Variants in LMAN1 observed in about 807,000 individuals in gnomAD.
LMAN1 encodes protein ERGIC-53.
Under a neutral mutation model 67.8 loss-of-function variants are expected in LMAN1, and 32 were observed. The observed-to-expected ratio is 0.47, with a 90% confidence interval of 0.36 to 0.63. LMAN1 has a LOEUF of 0.63. LMAN1 is among the 30% of genes least tolerant of loss of function. LMAN1 has a pLI of 0.00. For missense variants in LMAN1, 632 were observed against 628.2 expected, an observed-to-expected ratio of 1.01 and a Z score of -0.06; for synonymous variants, 235 against 219.3, an observed-to-expected ratio of 1.07 and a Z score of -0.63.
chr18:59,346,184 TTTAC>T (rs1908399481), intron 7 of LMAN1, 133 bp from the exon 8 acceptor site: 1 of 692,452 alleles, frequency 1.4e-6, no homozygotes, highest in Non-Finnish European at 2.4e-6. Context: ...GTATTCCTTC[TTTAC>T]TTAAACGATA....
Position 59,359,252 on chromosome 18 carries a change from T to G in LMAN1, c.-8A>C. ...TTGCCTGGATCCCGCCATCTTGGAT[T>G]CTGGAACGCGGAGGAGGGCGGGAGA... On this transcript the variant is annotated 5_prime_UTR_variant, in exon 1 of 13. Coordinates refer to ENST00000251047, the MANE Select transcript of LMAN1 (RefSeq NM_005570.4). 2 of 1,613,262 alleles carry G rather than the reference T, an allele frequency of 1.2e-6. No homozygotes were observed. The highest frequency in any genetic ancestry group is 1.7e-6 in the Non-Finnish European group (2 of 1,179,394).
rs766591385 is a variant in LMAN1 at position 59,338,801 on chromosome 18, T to G, written c.1108A>C (p.Ile370Leu). The G allele has an allele frequency of 6.2e-7, 1 of 1,614,128 alleles. No homozygotes were observed. Among genetic ancestry groups the G allele is most frequent in the East Asian group, 2.2e-5 (1 of 44,858 alleles). ...GGCATTCCTGCTCCTCTTTTAGAGATTTCCTCTGTTAAGGAAGAGACATAT... is the reference window on the plus strand; with the variant it reads ...GGCATTCCTGCTCCTCTTTTAGAGAGTTCCTCTGTTAAGGAAGAGACATAT... ...RRYVSSLTEE[I>L]SKRGAGMPGQ... Residue 370 changes from isoleucine to leucine, a missense_variant, in exon 9 of 13, where the codon ATC (isoleucine) becomes CTC (leucine). By Grantham distance (5) the Ile-to-Leu change is conservative (BLOSUM62 2). Coordinates refer to ENST00000251047, the MANE Select transcript of LMAN1 (RefSeq NM_005570.4).
At chr18:59,357,978 A>T (rs560223496) in intron 1 of LMAN1, among the ~76,000 whole-genome samples, 13 of 151,696 alleles carry the variant, frequency 8.6e-5, no homozygotes, top group Non-Finnish European at 1.5e-4. Context: ...AAAAAAAAAA[A>T]AAAAAAGATT....
rs779979770 is a variant in LMAN1, at chr18:59,349,248, T to A, written c.640-12A>T. The A allele has an allele frequency of 1.9e-6, 3 of 1,608,426 alleles. No homozygotes were observed. Among genetic ancestry groups the A allele is most frequent in the Non-Finnish European group, 1.7e-6 (2 of 1,174,962 alleles). Reference sequence around the variant, plus strand: ...TTATTGATCATTACCTAGAAAGACATATCATAGCTATAGCTTTTGCAAAAG... The same window carrying A: ...TTATTGATCATTACCTAGAAAGACAAATCATAGCTATAGCTTTTGCAAAAG... On this transcript the variant is annotated splice_polypyrimidine_tract_variant and intron_variant, in intron 5 of 12. Transcript: ENST00000251047.
Position 59,331,132 on chromosome 18 carries a change from A to G in LMAN1, c.1497-3T>C. ...TGGCAGCTGCTTCTTGCTGAGACCT[A>G]ATGAAAAAAAGAAACAAACACTTAA... On this transcript the variant is annotated splice_region_variant and splice_polypyrimidine_tract_variant and intron_variant, in intron 12 of 12. Coordinates refer to ENST00000251047, the MANE Select transcript of LMAN1 (RefSeq NM_005570.4). 1 of 1,610,852 alleles carries G rather than the reference A, an allele frequency of 6.2e-7. No homozygotes were observed. Among genetic ancestry groups the G allele is most frequent in the Non-Finnish European group, 8.5e-7 (1 of 1,177,734 alleles).
At position 59,329,455 on chromosome 18, in the gene LMAN1, G is replaced by A. The variant is rs1283236072; in HGVS notation, c.*1638C>T. ...AAGGTATTTAATTTTTTTTCATGGA[G>A]CAAGAGTAAATTCTGTGATGATGAA... is the stretch of plus-strand genomic sequence containing the variant. On this transcript the variant is annotated 3_prime_UTR_variant, in exon 13 of 13. Transcript: ENST00000251047. The A allele has an allele frequency of 1.3e-5, 2 of 151,992 alleles. No individual in the cohort carries two copies. The highest frequency in any genetic ancestry group is 2.9e-5 in the Non-Finnish European group (2 of 67,988). The allele number at this position is 151,992 out of a possible 1,614,324, so 9.4% of individuals were successfully genotyped here. A position where few individuals can be genotyped will look rare whatever the true frequency, so the allele number is the denominator to read the frequency against.
chr18:59,334,726 GCTTT>G (rs1387661932), intron 10 of LMAN1, among the ~76,000 whole-genome samples: 1 of 152,092 alleles, frequency 6.6e-6, no homozygotes, highest in Non-Finnish European at 1.5e-5. Flanking sequence ...AAAGCTACAT[GCTTT>G]CTAAGATCTC....
At chr18:59,348,044 C>T (rs12966202) in intron 6 of LMAN1, among the ~76,000 whole-genome samples, 12,921 of 152,298 alleles carry the variant, frequency 0.085, 626 homozygotes, top group Middle Eastern at 0.14. Flanking sequence ...TGCATACCAC[C>T]TTTTGTCTTA....
chr18:59,345,831 T>G, intron 8 of LMAN1, 88 bp downstream of exon 8: 331 of 1,456,990 alleles, frequency 2.3e-4, no homozygotes, highest in Non-Finnish European at 2.9e-4. Context: ...AGAGCAGGGA[T>G]GAGCTAGGCA....
rs2070731934 is a variant in LMAN1 at position 59,329,096 on chromosome 18, A to G, written c.*1997T>C. 6.6e-6 allele frequency: 1 copy of G among 152,188 alleles called. No homozygotes were observed. Among genetic ancestry groups the G allele is most frequent in the African/African-American group, 2.4e-5 (1 of 41,450 alleles). 9.4% of individuals were successfully genotyped at this position (152,188 alleles called of 1,614,324 possible). ...CTTTTTGTTCAGAAATGAGCTCCTT[A>G]AAGTCAATGATTTTGAGAAAAACCA... On this transcript the variant is annotated 3_prime_UTR_variant, in exon 13 of 13. Transcript: ENST00000251047.
chr18:59,334,668 G>C (rs1908102695), intron 10 of LMAN1, among the ~76,000 whole-genome samples: 1 of 152,158 alleles, frequency 6.6e-6, no homozygotes, highest in African/African-American at 2.4e-5. Flanking sequence ...AATCTTAAAA[G>C]GGAAGTTTTG....
intron 10 of LMAN1, among the ~76,000 whole-genome samples, chr18:59,335,320 C>A (rs1908116926): frequency 6.6e-6 from 1 of 151,830 alleles, no homozygotes; most frequent in South Asian, 2.1e-4. Flanking sequence ...GTAATCCCAG[C>A]TAGGCGGGAG....
chr18:59,344,324 A>G (rs1248600415), intron 8 of LMAN1, among the ~76,000 whole-genome samples: 1 of 152,184 alleles, frequency 6.6e-6, no homozygotes, highest in Non-Finnish European at 1.5e-5. Context: ...CATTATATCA[A>G]AAAGATACTT....
chr18:59,354,917 T>C (rs1028459536), intron 3 of LMAN1, among the ~76,000 whole-genome samples: 2 of 152,226 alleles, frequency 1.3e-5, no homozygotes. Context: ...GATTAACATA[T>C]GACCAGACAT....
rs1192216965 is a variant in LMAN1, at chr18:59,329,036, A to C, written c.*2057T>G. The C allele has an allele frequency of 1.3e-5, 2 of 152,212 alleles. No individual in the cohort carries two copies. Among genetic ancestry groups the C allele is most frequent in the Non-Finnish European group, 2.9e-5 (2 of 68,022 alleles). The allele number at this position is 152,212 out of a possible 1,614,324, so 9.4% of individuals were successfully genotyped here. On this transcript the variant is annotated 3_prime_UTR_variant, in exon 13 of 13. Coordinates refer to ENST00000251047, the MANE Select transcript of LMAN1 (RefSeq NM_005570.4). ...TACAAAATAGTACAGAAATGAAAGA[A>C]TCCTGGCAGTGATTGATTTTTCCAC...
rs555516486 is a variant in LMAN1 at position 59,331,266 on chromosome 18, G to A, written c.1497-137C>T. The A allele has an allele frequency of 2.7e-5, 28 of 1,045,788 alleles. No individual in the cohort carries two copies. In the African/African-American group the frequency reaches 4.1e-4, roughly 15 times the overall value. The allele number at this position is 1,045,788 out of a possible 1,614,324, so 64.8% of individuals were successfully genotyped here. A position where few individuals can be genotyped will look rare whatever the true frequency, so the allele number is the denominator to read the frequency against. ...TAAGATAAACATATATTCTACACGT[G>A]CACTTTATGTGAACTGAAATGAACA... On this transcript the variant is annotated intron_variant, in intron 12 of 12. Transcript: ENST00000251047.
chr18:59,331,304 A>C (rs1278604451), intron 12 of LMAN1, 114 bp downstream of exon 12: 2 of 1,214,192 alleles, frequency 1.6e-6, no homozygotes, highest in Non-Finnish European at 2.4e-6. Context: ...AATCACAATA[A>C]ACTTAATTTT....
chr18:59,345,849 G>A, intron 8 of LMAN1, 70 bp downstream of exon 8: 2 of 1,575,180 alleles, frequency 1.3e-6, no homozygotes, highest in South Asian at 2.2e-5. Flanking sequence ...GCAACACAGA[G>A]ACTCAAGCGT....
chr18:59,339,295 C>T (rs974002117), intron 8 of LMAN1, among the ~76,000 whole-genome samples: 1 of 152,238 alleles, frequency 6.6e-6, no homozygotes, highest in Non-Finnish European at 1.5e-5. Flanking sequence ...TAAGTAGATA[C>T]TTGCATTTCA....
Sources: gnomAD v4.1 joint callset for allele counts (sites outside exome capture counted in the v4.1 genomes callset) on GRCh38, gnomAD v4.1.1 for gene constraint, MANE v1.5 for transcripts, NCBI Gene and HGNC (gene_info 2026-07-23, HGNC 2026-07-21) for gene names.